Variants in EIF5B observed in about 807,000 individuals in gnomAD.
EIF5B encodes eIF-5B.
A neutral mutation model predicts 147.5 loss-of-function variants in EIF5B; 47 were observed. That is an observed-to-expected ratio of 0.32 (90% CI 0.25 to 0.41). The LOEUF (loss-of-function observed/expected upper bound fraction) is 0.41, where lower values mean the gene tolerates loss of function less well. EIF5B is among the 10% of genes least tolerant of loss of function. EIF5B has a pLI of 1.00. For synonymous variants in EIF5B, 455 were observed against 456.2 expected (o/e 1.00, Z 0.03); for missense variants, 1,064 against 1,413.2 (o/e 0.75, Z 3.96).
intron 1 of EIF5B, among the ~76,000 whole-genome samples, chr2:99,354,262 T>C (rs779831234): frequency 1.3e-5 from 2 of 152,224 alleles, no homozygotes; most frequent in African/African-American, 4.8e-5. Context: ...TGTAGTGATA[T>C]CCCATTGTGG....
chr2:99,343,760 G>A (rs2094266238), intron 1 of EIF5B, among the ~76,000 whole-genome samples: 1 of 151,662 alleles, frequency 6.6e-6, no homozygotes, highest in Admixed American at 6.6e-5. Context: ...GTTGCAGTGA[G>A]CCAAGATTGC....
At position 99,382,846 on chromosome 2, in the gene EIF5B, T is replaced by C. The variant is rs1674718160; in HGVS notation, c.2196T>C (p.Gly732=). 4 of 1,612,468 alleles carry C rather than the reference T, an allele frequency of 2.5e-6. No homozygotes were observed. Among genetic ancestry groups the C allele is most frequent in the Non-Finnish European group, 3.4e-6 (4 of 1,179,470 alleles). The part of the protein sequence containing the change: ...IAILVVDIMH[G]LEPQTIESIN... ...TTTTAGTTGTTGATATTATGCATGG[T>C]TTGGAGCCCCAGACAATTGAGTCTA... The change falls in exon 14 of 24, where the codon GGT becomes GGC. Residue 732 remains glycine (G), a synonymous_variant. Transcript: ENST00000289371.
chr2:99,343,772 C>T (rs565224361), intron 1 of EIF5B, among the ~76,000 whole-genome samples: 2 of 151,778 alleles, frequency 1.3e-5, no homozygotes, highest in South Asian at 4.2e-4. Context: ...CAAGATTGCA[C>T]CACTGCACGT....
chr2:99,357,989 T>TA (rs1382214646), intron 1 of EIF5B, among the ~76,000 whole-genome samples: 2 of 152,184 alleles, frequency 1.3e-5, no homozygotes, highest in Non-Finnish European at 2.9e-5. Flanking sequence ...TCATTACAGT[T>TA]ACTACAAAAG....
chr2:99,394,240 C>T, intron 18 of EIF5B, 27 bp from the exon 19 acceptor site: 1 of 1,594,506 alleles, frequency 6.3e-7, no homozygotes, highest in Non-Finnish European at 8.5e-7. Context: ...GTGTTGACAA[C>T]CTTATCAAAT....
chr2:99,359,013 A>G lies in EIF5B; in HGVS notation c.36-1223A>G, dbSNP rs149952341. Among the ~76,000 whole-genome samples, 1,076 of 152,258 alleles carry G rather than the reference A, an allele frequency of 7.1e-3. 7 individuals are homozygous for G. The highest frequency in any genetic ancestry group is 9.7e-3 in the Non-Finnish European group (660 of 68,016). On this transcript the variant is annotated intron_variant, in intron 1 of 23. Coordinates refer to ENST00000289371, the MANE Select transcript of EIF5B (RefSeq NM_015904.4). ...AATTCTATATCCTCAATGTCTTGTC[A>G]TATAATCTTTTAATTATATTTATAA... is the stretch of plus-strand genomic sequence containing the variant.
At chr2:99,374,979 C>T (rs886098921) in intron 9 of EIF5B, among the ~76,000 whole-genome samples, 1 of 151,826 alleles carries the variant, frequency 6.6e-6, no homozygotes, top group Non-Finnish European at 1.5e-5. Context: ...CTCCTTGGCT[C>T]TTTCTATTCT....
At chr2:99,356,312 T>C (rs1335545898) in intron 1 of EIF5B, among the ~76,000 whole-genome samples, 1 of 152,178 alleles carries the variant, frequency 6.6e-6, no homozygotes, top group Non-Finnish European at 1.5e-5. Flanking sequence ...TATTGTACTC[T>C]TTGGAATGAA....
In EIF5B at chr2:99,376,500, T is replaced by G; in HGVS notation, c.1706T>G (p.Val569Gly). ...GSEGDEEDEK[V>G]SDEKDSGKTL... ...GAAGGTGATGAGGAAGATGAAAAGG[T>G]GTCAGATGAGAAGGATTCAGGGAAG... The change falls in exon 10 of 24, where the codon GTG becomes GGG. Residue 569 changes from valine to glycine, a missense_variant. Around this residue, in one of 4 missense-constraint regions of EIF5B, gnomAD observed 195 missense variants for 186.3 expected, o/e 1.05. Coordinates refer to ENST00000289371, the MANE Select transcript of EIF5B (RefSeq NM_015904.4). 1 of 1,613,640 alleles carries G rather than the reference T, an allele frequency of 6.2e-7. No homozygotes were observed. Among genetic ancestry groups the G allele is most frequent in the Non-Finnish European group, 8.5e-7 (1 of 1,179,796 alleles).
At chr2:99,393,912 T>C (rs982277625) in intron 18 of EIF5B, among the ~76,000 whole-genome samples, 3 of 152,246 alleles carry the variant, frequency 2.0e-5, no homozygotes, top group Non-Finnish European at 4.4e-5. Context: ...AGCTGAACTT[T>C]TGGGCTATCA....
Position 99,360,278 on chromosome 2 carries a change from A to G in EIF5B, c.78A>G (p.Ile26Met), listed in dbSNP as rs1674181590. Reference sequence around the variant, plus strand: ...ATCTTGATGCCTTGGCTGCAGAAATAGAAGGAGCTGGTGCTGCCAAAGAAC... The same window carrying G: ...ATCTTGATGCCTTGGCTGCAGAAATGGAAGGAGCTGGTGCTGCCAAAGAAC... The part of the protein sequence containing the change: ...DIDLDALAAE[I>M]EGAGAAKEQE... The change falls in exon 2 of 24, where the codon ATA becomes ATG. Residue 26 changes from isoleucine to methionine, a missense_variant. Physicochemically the swap from Ile to Met is conservative, Grantham distance 10. Coordinates refer to ENST00000289371, the MANE Select transcript of EIF5B (RefSeq NM_015904.4). The G allele has an allele frequency of 1.9e-6, 3 of 1,608,924 alleles. No individual in the cohort carries two copies. The highest frequency in any genetic ancestry group is 2.2e-5 in the South Asian group (2 of 88,968).
chr2:99,357,706 A>G (rs149209483), intron 1 of EIF5B, among the ~76,000 whole-genome samples: 51 of 152,320 alleles, frequency 3.3e-4, no homozygotes, highest in African/African-American at 1.2e-3. Context: ...ATGAGATGCC[A>G]AACTTCAGCC....
chr2:99,386,539 T>G (rs1036223066), intron 14 of EIF5B, among the ~76,000 whole-genome samples: 1 of 151,004 alleles, frequency 6.6e-6, no homozygotes, highest in African/African-American at 2.4e-5. Context: ...GTGTGTGTTT[T>G]TTTTTTTGGA....
Position 99,399,556 on chromosome 2 carries a change from GTT to G in EIF5B, c.*145_*146del, listed in dbSNP as rs1675155282. 33 of 716,338 alleles carry G rather than the reference GTT, an allele frequency of 4.6e-5. No individual in the cohort carries two copies. In the East Asian group the frequency reaches 9.4e-4, roughly 20 times the overall value. The allele number at this position is 716,338 out of a possible 1,614,324, so 44.4% of individuals were successfully genotyped here. A position where few individuals can be genotyped will look rare whatever the true frequency, so the allele number is the denominator to read the frequency against. ...AGGAAGAAAAATAGGTGTATAAAATGTTTTCCATGAGAAACCAAGAAACTTAC... is the reference window on the plus strand; with the variant it reads ...AGGAAGAAAAATAGGTGTATAAAATGTTCCATGAGAAACCAAGAAACTTAC... On this transcript the variant is annotated 3_prime_UTR_variant, in exon 24 of 24. Transcript: ENST00000289371.
chr2:99,399,078 T>C, intron 23 of EIF5B, 169 bp downstream of exon 23: 1 of 875,860 alleles, frequency 1.1e-6, no homozygotes, highest in Non-Finnish European at 1.7e-6. Flanking sequence ...AGGAAGTTGC[T>C]CTATCAGGAA....
rs530556600 is a variant in EIF5B at position 99,360,033 on chromosome 2, G to A, written c.36-203G>A. Among the ~76,000 whole-genome samples the A allele has an allele frequency of 2.6e-5, 4 of 152,096 alleles. No homozygotes were observed. In the East Asian group the frequency reaches 5.8e-4, roughly 22 times the overall value. The stretch of plus-strand genomic sequence containing the variant: ...GCTTTTCATTATCTGTTCCTTATTT[G>A]AGTGTAATCCAGAAACTTCACTGAA... On this transcript the variant is annotated intron_variant, in intron 1 of 23. Coordinates refer to ENST00000289371, the MANE Select transcript of EIF5B (RefSeq NM_015904.4).
Position 99,345,655 on chromosome 2 carries a change from G to T in EIF5B, c.35+8066G>T, listed in dbSNP as rs1248215341. Among the ~76,000 whole-genome samples, 7 of 151,322 alleles carry T rather than the reference G, an allele frequency of 4.6e-5. No homozygotes were observed. The East Asian group carries it at 9.8e-4, about 21-fold the overall frequency. On this transcript the variant is annotated intron_variant, in intron 1 of 23. Transcript: ENST00000289371. ...TTCTGGTTGCCACTTGTAGAACATA[G>T]GTAGGTGGGCGGGGTGCGGTGGCTC...
chr2:99,362,188 G>T (rs1036022389), intron 4 of EIF5B, among the ~76,000 whole-genome samples: 1 of 152,050 alleles, frequency 6.6e-6, no homozygotes, highest in Non-Finnish European at 1.5e-5. Flanking sequence ...TAAAAACCTA[G>T]TTCAATTTAT....
rs749047454 is a variant in EIF5B at position 99,379,136 on chromosome 2, T to A, written c.1950+10T>A. The A allele has an allele frequency of 4.4e-6, 7 of 1,575,488 alleles. No individual in the cohort carries two copies. The highest frequency in any genetic ancestry group is 5.2e-6 in the Non-Finnish European group (6 of 1,160,188). ...AAAAATTCTAGATAAGGTAAGAAAGTATTAAATGTATTGATAGAACTTTGA... is the reference window on the plus strand; with the variant it reads ...AAAAATTCTAGATAAGGTAAGAAAGAATTAAATGTATTGATAGAACTTTGA... On this transcript the variant is annotated intron_variant, in intron 11 of 23. Coordinates refer to ENST00000289371, the MANE Select transcript of EIF5B (RefSeq NM_015904.4).
Sources: allele counts gnomAD v4.1 joint callset (sites outside exome capture counted in the v4.1 genomes callset), GRCh38; gene constraint gnomAD v4.1.1; regional missense constraint gnomAD v4.1.1; transcripts MANE v1.5; gene names NCBI Gene and HGNC (gene_info 2026-07-23, HGNC 2026-07-21).